ERC2: variants seen among roughly 807,000 people sequenced by gnomAD.
ERC2 encodes ERC protein 2.
A neutral mutation model predicts 114.8 loss-of-function variants in ERC2; 42 were observed. That is an observed-to-expected ratio of 0.37 (90% CI 0.29 to 0.47). The LOEUF (loss-of-function observed/expected upper bound fraction) is 0.47, where lower values mean the gene tolerates loss of function less well. Ranked by LOEUF, ERC2 falls within the 20% of genes least tolerant of loss-of-function variation. ERC2 has a pLI of 0.99. For synonymous variants in ERC2, 454 were observed against 425.5 expected, an observed-to-expected ratio of 1.07 and a Z score of -0.82; for missense variants, 939 against 1,150.7, an observed-to-expected ratio of 0.82 and a Z score of 2.66.
At chr3:55,831,156 A>AT (rs2149184115) in intron 14 of ERC2, among the ~76,000 whole-genome samples, 1 of 149,116 alleles carries the variant, frequency 6.7e-6, no homozygotes, top group East Asian at 2.0e-4. Flanking sequence ...AAAAAAAAAA[A>AT]ATTTAATTAG....
chr3:56,172,827 A>C (rs2082746455), intron 4 of ERC2, among the ~76,000 whole-genome samples: 1 of 152,188 alleles, frequency 6.6e-6, no homozygotes, highest in East Asian at 1.9e-4. Flanking sequence ...CATTTACTTC[A>C]TGATTCCTTA....
At chr3:56,132,932 C>A (rs2149893968) in intron 6 of ERC2, among the ~76,000 whole-genome samples, 1 of 152,294 alleles carries the variant, frequency 6.6e-6, no homozygotes, top group East Asian at 1.9e-4. Flanking sequence ...ACAATACCCT[C>A]CCTAGAGTTT....
At chr3:56,400,288 T>C (rs527301404) in intron 2 of ERC2, among the ~76,000 whole-genome samples, 20 of 152,212 alleles carry the variant, frequency 1.3e-4, no homozygotes, top group African/African-American at 2.6e-4. Context: ...CACAGGTTGA[T>C]GGATTAAGGA....
intron 3 of ERC2, among the ~76,000 whole-genome samples, chr3:56,193,831 T>C (rs2047935797): frequency 6.6e-6 from 1 of 152,184 alleles, no homozygotes; most frequent in South Asian, 2.1e-4. Context: ...ACAGCCCAAA[T>C]GCTGGATCTC....
At chr3:56,126,060 G>C (rs1022585320) in intron 6 of ERC2, among the ~76,000 whole-genome samples, 11 of 152,106 alleles carry the variant, frequency 7.2e-5, no homozygotes, top group Non-Finnish European at 1.2e-4. Context: ...TGTTTCATCT[G>C]ACTGCACTCT....
chr3:55,997,907 TG>T lies in ERC2; in HGVS notation c.2062-5658del, dbSNP rs1559996722. On this transcript the variant is annotated intron_variant, in intron 10 of 17. Coordinates refer to ENST00000288221, the MANE Select transcript of ERC2 (RefSeq NM_015576.3). Reference sequence around the variant, plus strand: ...TTTTTTTTTTTTTTTTTTTTTTTTTTGTGTGTGTGTGTGTGTTTTTTGTTTT... The same window carrying T: ...TTTTTTTTTTTTTTTTTTTTTTTTTTTGTGTGTGTGTGTGTTTTTTGTTTT... Among the ~76,000 whole-genome samples the T allele has an allele frequency of 2.1e-3, 55 of 25,956 alleles. 1 individual carries two copies. Among genetic ancestry groups the T allele is most frequent in the East Asian group, 6.8e-3 (6 of 878 alleles). 17.0% of individuals were successfully genotyped at this position (25,956 alleles called of 152,430 possible).
At chr3:55,992,457 C>A (rs555380402) in intron 10 of ERC2, among the ~76,000 whole-genome samples, 1 of 152,230 alleles carries the variant, frequency 6.6e-6, no homozygotes, top group East Asian at 1.9e-4. Flanking sequence ...ATTAGAGTTT[C>A]ACAGGGGAGT....
chr3:55,621,577 G>C (rs2059330808), intron 17 of ERC2, among the ~76,000 whole-genome samples: 1 of 152,156 alleles, frequency 6.6e-6, no homozygotes, highest in African/African-American at 2.4e-5. Flanking sequence ...GAAACACTCA[G>C]GCTGGCTGGA....
chr3:56,102,349 C>CATTA (rs1210948152), intron 6 of ERC2, among the ~76,000 whole-genome samples: 2 of 152,238 alleles, frequency 1.3e-5, no homozygotes, highest in African/African-American at 4.8e-5. Context: ...TAGAAACCTA[C>CATTA]ATTATTACAT....
intron 13 of ERC2, among the ~76,000 whole-genome samples, chr3:55,940,726 T>G (rs894332945): frequency 6.6e-6 from 1 of 152,228 alleles, no homozygotes; most frequent in Non-Finnish European, 1.5e-5. Flanking sequence ...TCATTGGGAA[T>G]GCTTGATGAA....
chr3:55,878,859 G>A (rs1370783156), intron 14 of ERC2, among the ~76,000 whole-genome samples: 2 of 152,224 alleles, frequency 1.3e-5, no homozygotes, highest in East Asian at 1.9e-4. Flanking sequence ...GGCAGGGATA[G>A]TGAAGGACTC....
At chr3:55,837,900 G>GA (rs936671930) in intron 14 of ERC2, among the ~76,000 whole-genome samples, 1 of 150,730 alleles carries the variant, frequency 6.6e-6, no homozygotes, top group Admixed American at 6.6e-5. Flanking sequence ...AAACTAAAGG[G>GA]AAAAAAAGCT....
Position 56,296,301 on chromosome 3 carries a change from C to T in ERC2, c.792G>A (p.Arg264=). Residue 264 remains arginine, a synonymous_variant, in exon 3 of 18, where the codon AGG becomes AGA. Transcript: ENST00000288221. The part of the protein sequence containing the change: ...FTIELTEENF[R]RLQAEHDRQA... ...GCCTGTCATGCTCGGCTTGGAGCCG[C>T]CTAAAGTTCTCCTCGGTCAGCTCGA... is the stretch of plus-strand genomic sequence containing the variant. 6.2e-7 allele frequency: 1 copy of T among 1,614,022 alleles called. No homozygotes were observed. The highest frequency in any genetic ancestry group is 8.5e-7 in the Non-Finnish European group (1 of 1,179,890).
chr3:55,788,043 C>A (rs1423114389), intron 14 of ERC2, among the ~76,000 whole-genome samples: 1 of 152,180 alleles, frequency 6.6e-6, no homozygotes, highest in African/African-American at 2.4e-5. Context: ...CCAGTGGTTC[C>A]AGAATCTTCC....
intron 2 of ERC2, among the ~76,000 whole-genome samples, chr3:56,360,245 T>C (rs1171995291): frequency 6.6e-6 from 1 of 151,782 alleles, no homozygotes; most frequent in Admixed American, 6.6e-5. Flanking sequence ...GAGATGGGGT[T>C]TCACCGTCTT....
chr3:55,706,465 C>T (rs1205143482), intron 15 of ERC2, among the ~76,000 whole-genome samples: 9 of 152,066 alleles, frequency 5.9e-5, no homozygotes, highest in Non-Finnish European at 1.2e-4. Context: ...GGTGCAATCT[C>T]GGCTCACTGT....
chr3:55,699,579 C>T, intron 15 of ERC2, 67 bp from the exon 16 acceptor site: 1 of 1,532,272 alleles, frequency 6.5e-7, no homozygotes, highest in Non-Finnish European at 8.8e-7. Flanking sequence ...AGATTCAGGG[C>T]ATAATTACAG....
chr3:56,376,413 A>C (rs1278903787), intron 2 of ERC2, among the ~76,000 whole-genome samples: 1 of 151,920 alleles, frequency 6.6e-6, no homozygotes, highest in African/African-American at 2.4e-5. Context: ...TCAATGGGTG[A>C]GGCTGAGCTG....
At chr3:55,576,164 A>T (rs950738587) in intron 17 of ERC2, among the ~76,000 whole-genome samples, 1 of 152,058 alleles carries the variant, frequency 6.6e-6, no homozygotes, top group Non-Finnish European at 1.5e-5. Context: ...AAAAAAAATT[A>T]TCCAGGCATG....
Sources: gnomAD v4.1 joint callset for allele counts (sites outside exome capture counted in the v4.1 genomes callset) on GRCh38, gnomAD v4.1.1 for gene constraint, MANE v1.5 for transcripts, NCBI Gene and HGNC (gene_info 2026-07-23, HGNC 2026-07-21) for gene names.